Variants in PPFIBP2 observed in about 807,000 individuals in gnomAD.
PPFIBP2 encodes the protein liprin-beta-2.
In PPFIBP2, 118 loss-of-function variants were observed where a neutral mutation model predicts 118.3. The ratio of observed to expected loss-of-function variants is 1.00; its 90% CI spans 0.86 to 1.16. The LOEUF is 1.16. Among genes scored for constraint, PPFIBP2 ranks in the 50% most tolerant of loss-of-function variants. The pLI is 0.00. For missense variants in PPFIBP2, 1,195 were observed against 1,073.1 expected, an observed-to-expected ratio of 1.11 and a Z score of -1.59; for synonymous variants, 414 against 397.4, an observed-to-expected ratio of 1.04 and a Z score of -0.50.
At chr11:7,539,108 C>G (rs1449713778) in intron 1 of PPFIBP2, 1 of 152,250 alleles carries the variant, frequency 6.6e-6, no homozygotes, top group Non-Finnish European at 1.5e-5. Context: ...ACTTAAGCTT[C>G]TATTCATTGA....
intron 3 of PPFIBP2, among the ~76,000 whole-genome samples, chr11:7,584,801 T>A (rs1857838001): frequency 6.6e-6 from 1 of 152,128 alleles, no homozygotes; most frequent in South Asian, 2.1e-4. Context: ...CTAAAAGGGG[T>A]TGCATGTGAG....
At chr11:7,573,717 C>T (rs1389088011) in intron 3 of PPFIBP2, among the ~76,000 whole-genome samples, 2 of 152,246 alleles carry the variant, frequency 1.3e-5, no homozygotes, top group Non-Finnish European at 1.5e-5. Context: ...CTCCCCTTCT[C>T]AGCGGGCCCA....
chr11:7,620,935 G>T lies in PPFIBP2; in HGVS notation c.619G>T (p.Glu207Ter). The T allele has an allele frequency of 6.3e-7, 1 of 1,599,026 alleles. No homozygotes were observed. The highest frequency in any genetic ancestry group is 1.1e-5 in the South Asian group (1 of 90,734). The change falls in exon 7 of 24, where the codon GAG (glutamate) becomes TAG (stop). Residue 207 changes from glutamate to a stop codon, truncating the protein, a stop_gained and splice_region_variant. Transcript: ENST00000299492. LOFTEE classifies it high-confidence loss of function. The stretch of plus-strand genomic sequence containing the variant: ...TTTGTCTTTCTCCCTCATCCCCTAG[G>T]AGTTACTGCAAGAGCTCAGGCACCT... ...EQEEKQRKAE[E>*]LLQELRHLKI...
chr11:7,545,766 C>T (rs1328451708), intron 1 of PPFIBP2, among the ~76,000 whole-genome samples: 1 of 152,160 alleles, frequency 6.6e-6, no homozygotes, highest in Non-Finnish European at 1.5e-5. Context: ...TCATAATAAG[C>T]GCCTTTCAAC....
chr11:7,575,025 T>C (rs1856116060), intron 3 of PPFIBP2, among the ~76,000 whole-genome samples: 3 of 152,128 alleles, frequency 2.0e-5, no homozygotes, highest in Admixed American at 2.0e-4. Context: ...CCCACCTTTG[T>C]TCATCACACA....
intron 1 of PPFIBP2, among the ~76,000 whole-genome samples, chr11:7,544,103 C>T (rs1046550558): frequency 1.2e-4 from 19 of 152,322 alleles, no homozygotes; most frequent in African/African-American, 4.3e-4. Context: ...AGGAAGATGA[C>T]AGCACACACA....
chr11:7,603,722 T>A (rs919456474), intron 5 of PPFIBP2, among the ~76,000 whole-genome samples: 5 of 152,236 alleles, frequency 3.3e-5, no homozygotes. Flanking sequence ...CTCCGAGATA[T>A]AAACTTTCTT....
intron 3 of PPFIBP2, among the ~76,000 whole-genome samples, chr11:7,578,860 A>G (rs1044944782): frequency 2.0e-5 from 3 of 152,182 alleles, no homozygotes; most frequent in Middle Eastern, 3.2e-3. Context: ...AAGGTCCTAA[A>G]GCAAGATGGA....
chr11:7,556,869 ACTT>A (rs1389998947), intron 2 of PPFIBP2, among the ~76,000 whole-genome samples: 4 of 151,952 alleles, frequency 2.6e-5, no homozygotes, highest in East Asian at 1.9e-4. Flanking sequence ...TTGTTTTTAA[ACTT>A]CTTATTTATC....
Position 7,640,970 on chromosome 11 carries a change from T to G in PPFIBP2, c.1376-509T>G, listed in dbSNP as rs946243128. ...TTTCTTTGCTTCCCCGTAACTCTGT[T>G]GGGCTGGACTTTGGCCTCTCTTGTT... is the stretch of plus-strand genomic sequence containing the variant. On this transcript the variant is annotated intron_variant, in intron 15 of 23. Transcript: ENST00000299492. 2.7e-5 allele frequency: 32 copies of G among 1,185,006 alleles called. No individual in the cohort carries two copies. The Middle Eastern group carries it at 8.9e-4, about 33-fold the overall frequency. The allele number at this position is 1,185,006 out of a possible 1,614,324, so 73.4% of individuals were successfully genotyped here.
chr11:7,643,959 C>G (rs1852597774), intron 17 of PPFIBP2, among the ~76,000 whole-genome samples: 1 of 152,108 alleles, frequency 6.6e-6, no homozygotes, highest in South Asian at 2.1e-4. Flanking sequence ...ACAGAGTGCG[C>G]CTATTACACC....
intron 2 of PPFIBP2, among the ~76,000 whole-genome samples, chr11:7,561,732 T>C (rs1854318531): frequency 6.6e-6 from 1 of 152,242 alleles, no homozygotes; most frequent in Non-Finnish European, 1.5e-5. Flanking sequence ...CTGTGTAACA[T>C]AAATTACCCC....
At chr11:7,540,901 G>A (rs921438239) in intron 1 of PPFIBP2, among the ~76,000 whole-genome samples, 1 of 152,168 alleles carries the variant, frequency 6.6e-6, no homozygotes, top group African/African-American at 2.4e-5. Context: ...AGTGCAGACA[G>A]CCAATTAACT....
At chr11:7,581,838 T>C (rs1167973064) in intron 3 of PPFIBP2, among the ~76,000 whole-genome samples, 1 of 151,094 alleles carries the variant, frequency 6.6e-6, no homozygotes, top group African/African-American at 2.5e-5. Flanking sequence ...GATAGATAGA[T>C]AGATTTTTTT....
At position 7,651,731 on chromosome 11, in the gene PPFIBP2, C is replaced by T. The variant is rs764146557; in HGVS notation, c.2323C>T (p.Arg775Cys). Residue 775 changes from arginine (R) to cysteine (C), a missense_variant, in exon 23 of 24, where the codon CGC (arginine) becomes TGC (cysteine). Arg to Cys is a radical substitution (Grantham distance 180). Transcript: ENST00000299492. The part of the protein sequence containing the change: ...NIPPQKTLLR[R>C]HLTTKFNALI... ...CCCCCCACAAAAGACGCTCCTCAGG[C>T]GCCACCTGACCACCAAGTTCAATGC... 6 of 1,613,962 alleles carry T rather than the reference C, an allele frequency of 3.7e-6. No homozygotes were observed. Among genetic ancestry groups the T allele is most frequent in the South Asian group, 3.3e-5 (3 of 91,084 alleles).
rs1216589027 is a variant in PPFIBP2 at position 7,610,505 on chromosome 11, G to GC, written c.618+85dup. On this transcript the variant is annotated intron_variant, in intron 6 of 23. Coordinates refer to ENST00000299492, the MANE Select transcript of PPFIBP2 (RefSeq NM_003621.5). ...ATTTAGGCCATCTGGTCAACTCCCAGCCTGGAAGCTATTGGGTGCCAGAAA... is the reference window on the plus strand; with the variant it reads ...ATTTAGGCCATCTGGTCAACTCCCAGCCCTGGAAGCTATTGGGTGCCAGAAA... 15 of 1,558,916 alleles carry GC rather than the reference G, an allele frequency of 9.6e-6. No individual in the cohort carries two copies. In the African/African-American group the frequency reaches 1.4e-4, roughly 14 times the overall value.
chr11:7,536,343 AGGCAGTGG>A (rs1851215773), intron 1 of PPFIBP2, among the ~76,000 whole-genome samples: 2 of 152,140 alleles, frequency 1.3e-5, no homozygotes, highest in African/African-American at 4.8e-5. Context: ...CACGGGAGGT[AGGCAGTGG>A]GGCTCTGAGG....
In PPFIBP2 at chr11:7,625,956, C is replaced by T. The variant is rs1849951734; in HGVS notation, c.826+65C>T. 7.6e-6 allele frequency: 10 copies of T among 1,318,722 alleles called. No homozygotes were observed. Among genetic ancestry groups the T allele is most frequent in the Non-Finnish European group, 1.1e-5 (10 of 929,066 alleles). 81.7% of individuals were successfully genotyped at this position (1,318,722 alleles called of 1,614,324 possible). A position where few individuals can be genotyped will look rare whatever the true frequency, so the allele number is the denominator to read the frequency against. The stretch of plus-strand genomic sequence containing the variant: ...CCCTGGGTCTACTCTTATAAGTGAG[C>T]ATGTGTTTCTATAAATGAGTGTGCA... On this transcript the variant is annotated intron_variant, in intron 8 of 23. Transcript: ENST00000299492.
rs1032086026 is a variant in PPFIBP2 at position 7,583,489 on chromosome 11, G to A, written c.280-9643G>A. ...GTGCATCTATTGGAGTTGGCAAGGTGAGGACAGTCTTCAAAGAGTCTTCTC... is the reference window on the plus strand; with the variant it reads ...GTGCATCTATTGGAGTTGGCAAGGTAAGGACAGTCTTCAAAGAGTCTTCTC... On this transcript the variant is annotated intron_variant, in intron 3 of 23. Coordinates refer to ENST00000299492, the MANE Select transcript of PPFIBP2 (RefSeq NM_003621.5). Among the ~76,000 whole-genome samples the A allele has an allele frequency of 4.6e-5, 7 of 152,172 alleles. No homozygotes were observed. The East Asian group carries it at 9.6e-4, about 21-fold the overall frequency.
Sources: gnomAD v4.1 joint callset for allele counts (sites outside exome capture counted in the v4.1 genomes callset) on GRCh38, gnomAD v4.1.1 for gene constraint, MANE v1.5 for transcripts, NCBI Gene and HGNC (gene_info 2026-07-23, HGNC 2026-07-21) for gene names.